Variants in NOTCH2 observed in about 807,000 individuals in gnomAD.
The protein encoded by NOTCH2 is neurogenic locus notch homolog protein 2.
Under a neutral mutation model 235.8 loss-of-function variants are expected in NOTCH2, and 29 were observed. The observed-to-expected ratio is 0.12, with a 90% confidence interval of 0.09 to 0.17. NOTCH2 has a LOEUF of 0.17. NOTCH2 is among the 10% of genes least tolerant of loss of function. The probability of loss-of-function intolerance (pLI) is 1.00; values close to 1 mark genes in which losing one functional copy is unlikely to be tolerated. For missense variants in NOTCH2, 2,285 were observed against 3,150.2 expected (o/e 0.73, Z 6.57); for synonymous variants, 1,086 against 1,141.5 (o/e 0.95, Z 0.98).
In NOTCH2 at chr1:119,923,763, C is replaced by T. The variant is rs751299682; in HGVS notation, c.4733G>A (p.Arg1578His). The T allele has an allele frequency of 1.3e-5, 21 of 1,614,036 alleles. No homozygotes were observed. Among genetic ancestry groups the T allele is most frequent in the South Asian group, 5.5e-5 (5 of 91,074 alleles). Residue 1578 changes from arginine (R) to histidine (H), a missense_variant, in exon 26 of 34, where the codon CGC (arginine) becomes CAC (histidine). Coordinates refer to ENST00000256646, the MANE Select transcript of NOTCH2 (RefSeq NM_024408.4). ...TTCCCCCTGGGAGTCCCGCTTAATG[C>T]GCAGGTTGGTGTGGAGCAGGGTACC... ...ALGTLLHTNL[R>H]IKRDSQGELM... is the part of the protein sequence containing the mutation.
chr1:119,949,748 A>G (rs1275963492), intron 15 of NOTCH2, among the ~76,000 whole-genome samples: 2 of 152,166 alleles, frequency 1.3e-5, no homozygotes, highest in African/African-American at 4.8e-5. Flanking sequence ...TAACACAGTC[A>G]TGCTATGGCT....
chr1:119,938,233 T>C (rs1553196018), intron 19 of NOTCH2, among the ~76,000 whole-genome samples: 1 of 152,178 alleles, frequency 6.6e-6, no homozygotes, highest in Non-Finnish European at 1.5e-5. Flanking sequence ...ATTAGGTTCT[T>C]GGAAACTGTG....
At chr1:120,023,127 C>A (rs1653693565) in intron 2 of NOTCH2, among the ~76,000 whole-genome samples, 3 of 151,956 alleles carry the variant, frequency 2.0e-5, no homozygotes, top group African/African-American at 7.3e-5. Context: ...AAACTTAAGT[C>A]TATCTGGCAT....
At chr1:119,948,952 A>T in intron 16 of NOTCH2, 55 bp downstream of exon 16, 1 of 1,612,164 alleles carries the variant, frequency 6.2e-7, no homozygotes. Flanking sequence ...TAACCTGACC[A>T]CTTTGTTTAA....
intron 5 of NOTCH2, among the ~76,000 whole-genome samples, chr1:119,981,187 C>CATTACTCAGACTCAAAA (rs1651798850): frequency 6.6e-6 from 1 of 151,986 alleles, no homozygotes; most frequent in Non-Finnish European, 1.5e-5. Context: ...TCAACAGTTC[C>CATTACTCAGACTCAAAA]CATCCATTAC....
chr1:119,916,310 T>G lies in NOTCH2; in HGVS notation c.6412A>C (p.Lys2138Gln). ...ACTGAACTCTCAGACAGTTGGACCT[T>G]CTCACTCAGAGACTTCTTCCTCCTA... ...GSRRKKSLSEKVQLSESSVTL... is the reference protein window; with the variant it reads ...GSRRKKSLSEQVQLSESSVTL... The change falls in exon 34 of 34, where the codon AAG becomes CAG. Residue 2138 changes from lysine (K) to glutamine (Q), a missense_variant. Physicochemically the swap from Lys to Gln is moderately conservative, Grantham distance 53. Around this residue, in one of 6 missense-constraint regions of NOTCH2, gnomAD observed 504 missense variants for 538.0 expected, o/e 0.94. Coordinates refer to ENST00000256646, the MANE Select transcript of NOTCH2 (RefSeq NM_024408.4). 3.1e-6 allele frequency: 5 copies of G among 1,614,166 alleles called. No homozygotes were observed. The highest frequency in any genetic ancestry group is 4.2e-6 in the Non-Finnish European group (5 of 1,180,016).
intron 12 of NOTCH2, among the ~76,000 whole-genome samples, chr1:119,955,649 T>C (rs1553198307): frequency 6.6e-6 from 1 of 152,252 alleles, no homozygotes; most frequent in East Asian, 1.9e-4. Flanking sequence ...CTCAGCCTCT[T>C]ACATTTCTAT....
In NOTCH2 at chr1:119,925,426, C is replaced by A. The variant is rs752334588; in HGVS notation, c.4390G>T (p.Ala1464Ser). 7 of 1,614,132 alleles carry A rather than the reference C, an allele frequency of 4.3e-6. No homozygotes were observed. The highest frequency in any genetic ancestry group is 5.9e-6 in the Non-Finnish European group (7 of 1,180,024). The change falls in exon 25 of 34, where the codon GCC becomes TCC. Residue 1464 changes from alanine to serine, a missense_variant. Coordinates refer to ENST00000256646, the MANE Select transcript of NOTCH2 (RefSeq NM_024408.4). ...CAGGGAAGTGGGGAGGAGCAGTTGG[C>A]CCAGGGGTTCTCCATGGTGAGAGAA... ...DCSLTMENPW[A>S]NCSSPLPCWD... is the part of the protein sequence containing the mutation.
At chr1:119,916,809 C>T (rs1239335290) in intron 33 of NOTCH2, 115 bp from the exon 34 acceptor site, 29 of 1,018,016 alleles carry the variant, frequency 2.8e-5, no homozygotes, top group East Asian at 2.6e-5. Flanking sequence ...ATTATCTCCC[C>T]GATGAAATAT....
intron 5 of NOTCH2, among the ~76,000 whole-genome samples, chr1:119,980,570 T>C (rs1651777900): frequency 6.6e-6 from 1 of 152,228 alleles, no homozygotes; most frequent in Non-Finnish European, 1.5e-5. Context: ...CTTCTTAGTC[T>C]TGTCTGTATT....
chr1:119,965,602 T>C, intron 9 of NOTCH2, 36 bp from the exon 10 acceptor site: 1 of 1,354,508 alleles, frequency 7.4e-7, no homozygotes, highest in African/African-American at 1.4e-5. Context: ...AGTCAAAGGA[T>C]TATCTTGTGT....
intron 1 of NOTCH2, among the ~76,000 whole-genome samples, chr1:120,031,118 C>T (rs587757571): frequency 1.3e-5 from 2 of 151,910 alleles, no homozygotes; most frequent in Non-Finnish European, 2.9e-5. Flanking sequence ...AACCACACCA[C>T]TCTATGCATA....
intron 30 of NOTCH2, 30 bp downstream of exon 30, chr1:119,920,199 A>C: frequency 6.2e-7 from 1 of 1,613,174 alleles, no homozygotes; most frequent in Non-Finnish European, 8.5e-7. Flanking sequence ...GACACAGCCC[A>C]GTGAAGAGGG....
Position 119,950,823 on chromosome 1 carries a change from C to T in NOTCH2, c.2380G>A (p.Val794Met), listed in dbSNP as rs1650443510. 4 of 1,612,684 alleles carry T rather than the reference C, an allele frequency of 2.5e-6. No individual in the cohort carries two copies. The highest frequency in any genetic ancestry group is 1.7e-4 in the Middle Eastern group (1 of 6,060). The change falls in exon 15 of 34, where the codon GTG becomes ATG. Residue 794 changes from valine to methionine, a missense_variant. Physicochemically the swap from Val to Met is conservative, Grantham distance 21. Coordinates refer to ENST00000256646, the MANE Select transcript of NOTCH2 (RefSeq NM_024408.4). ...KKGFKGYNCQVNIDECASNPC... is the reference protein window; with the variant it reads ...KKGFKGYNCQMNIDECASNPC... ...TTTGAGGCACATTCATCAATATTCACCTGGCAGTTATAGCCTGTAGACAAA... is the reference window on the plus strand; with the variant it reads ...TTTGAGGCACATTCATCAATATTCATCTGGCAGTTATAGCCTGTAGACAAA...
intron 16 of NOTCH2, 56 bp downstream of exon 16, chr1:119,948,951 C>T: frequency 6.2e-7 from 1 of 1,611,842 alleles, no homozygotes; most frequent in Non-Finnish European, 8.5e-7. Context: ...ATAACCTGAC[C>T]ACTTTGTTTA....
intron 11 of NOTCH2, among the ~76,000 whole-genome samples, chr1:119,960,025 CAGGAAG>C (rs1302085731): frequency 2.1e-4 from 32 of 152,102 alleles, no homozygotes; most frequent in Non-Finnish European, 1.2e-4. Context: ...GAGTTGTCTC[CAGGAAG>C]AGCTATAATG....
intron 2 of NOTCH2, among the ~76,000 whole-genome samples, chr1:120,011,745 G>A (rs1329570681): frequency 2.6e-5 from 4 of 152,050 alleles, no homozygotes; most frequent in African/African-American, 4.8e-5. Flanking sequence ...GGCCGGGCGC[G>A]GTGGCTCACA....
chr1:119,985,245 A>G (rs1471613032), intron 5 of NOTCH2, among the ~76,000 whole-genome samples: 1 of 152,142 alleles, frequency 6.6e-6, no homozygotes, highest in Non-Finnish European at 1.5e-5. Flanking sequence ...CCTGTGATGA[A>G]TAACAAAAAA....
chr1:120,012,339 C>T (rs1392580782), intron 2 of NOTCH2, among the ~76,000 whole-genome samples: 1 of 141,054 alleles, frequency 7.1e-6, no homozygotes, highest in African/African-American at 2.7e-5. Context: ...CGACTCATAC[C>T]CAATGGATAT....
Sources: allele counts gnomAD v4.1 joint callset (sites outside exome capture counted in the v4.1 genomes callset), GRCh38; gene constraint gnomAD v4.1.1; regional missense constraint gnomAD v4.1.1; transcripts MANE v1.5; gene names NCBI Gene and HGNC (gene_info 2026-07-23, HGNC 2026-07-21).